The following GRHL2 variants were observed in gnomAD, a reference collection of about 807,000 sequenced individuals.
GRHL2 encodes grainyhead-like protein 2 homolog.
In GRHL2, 21 loss-of-function variants were observed where a neutral mutation model predicts 83.8. The ratio of observed to expected loss-of-function variants is 0.25; its 90% CI spans 0.18 to 0.36. The LOEUF (loss-of-function observed/expected upper bound fraction) is 0.36. Among genes scored for constraint, GRHL2 ranks in the 10% least tolerant of loss-of-function variants. The pLI is 1.00. For synonymous variants in GRHL2, 280 were observed against 278.9 expected, an observed-to-expected ratio of 1.00 and a Z score of -0.04; for missense variants, 623 against 781.8, an observed-to-expected ratio of 0.80 and a Z score of 2.42.
At chr8:101,573,626 T>C (rs372357289) in intron 5 of GRHL2, 42 bp from the exon 6 acceptor site, 135 of 1,612,802 alleles carry the variant, frequency 8.4e-5, no homozygotes, top group Non-Finnish European at 9.9e-5. Flanking sequence ...AGCAGAAATG[T>C]CCAAGTGAGT....
At chr8:101,673,770 C>T (rs1281323271), downstream of GRHL2, among the ~76,000 whole-genome samples, 2 of 152,022 alleles carry the variant, frequency 1.3e-5, no homozygotes, top group African/African-American at 4.8e-5. Flanking sequence ...TTCAGCACCA[C>T]ACCACACCTA....
intron 9 of GRHL2, 35 bp downstream of exon 9, chr8:101,619,732 T>C: frequency 6.6e-7 from 1 of 1,519,064 alleles, no homozygotes; most frequent in Non-Finnish European, 9.1e-7. Context: ...TAAAGGTATC[T>C]TTTTTATTAG....
At chr8:101,652,481 A>G (rs1413095259) in intron 14 of GRHL2, among the ~76,000 whole-genome samples, 66 of 14,006 alleles carry the variant, frequency 4.7e-3, no homozygotes, top group Admixed American at 6.1e-3. Flanking sequence ...TGTGTGTGGT[A>G]TGTGTGTATG....
intron 13 of GRHL2, among the ~76,000 whole-genome samples, 171 bp from the exon 14 acceptor site, chr8:101,649,243 A>G (rs1376361593): frequency 6.6e-6 from 1 of 152,208 alleles, no homozygotes; most frequent in Non-Finnish European, 1.5e-5. Context: ...CAGGTTGTTT[A>G]TGGAGATGTC....
chr8:101,663,541 G>A (rs1813970350), intron 14 of GRHL2, among the ~76,000 whole-genome samples: 1 of 152,032 alleles, frequency 6.6e-6, no homozygotes. Context: ...GAACCTGGGA[G>A]GCAGAGGTTG....
intron 1 of GRHL2, among the ~76,000 whole-genome samples, chr8:101,536,703 G>A (rs888594654): frequency 2.6e-5 from 4 of 152,174 alleles, no homozygotes; most frequent in Admixed American, 2.6e-4. Context: ...GGAGTGCCTG[G>A]TTGAGAACTG....
intron 2 of GRHL2, among the ~76,000 whole-genome samples, chr8:101,544,742 C>A (rs1168715586): frequency 2.0e-5 from 3 of 152,198 alleles, no homozygotes; most frequent in Non-Finnish European, 2.9e-5. Flanking sequence ...GGAAAAACCA[C>A]AGAGTTCAGC....
At chr8:101,548,206 A>G (rs2130138639) in intron 2 of GRHL2, among the ~76,000 whole-genome samples, 1 of 152,286 alleles carries the variant, frequency 6.6e-6, no homozygotes, top group Middle Eastern at 3.4e-3. Flanking sequence ...AAAAATATTC[A>G]CTAAGTAGAT....
chr8:101,671,896 C>T (rs1326011897), downstream of GRHL2, among the ~76,000 whole-genome samples: 2 of 152,126 alleles, frequency 1.3e-5, no homozygotes, highest in Non-Finnish European at 2.9e-5. Context: ...GACTGTTCTA[C>T]AGCCACCGCT....
At chr8:101,528,867 G>A in intron 1 of GRHL2, 1 of 344,982 alleles carries the variant, frequency 2.9e-6, no homozygotes, top group South Asian at 2.6e-5. Context: ...CCAGGTTCAT[G>A]ATAGGTTTGT....
intron 4 of GRHL2, among the ~76,000 whole-genome samples, chr8:101,561,228 T>C (rs752761895): frequency 6.6e-6 from 1 of 152,178 alleles, no homozygotes; most frequent in African/African-American, 2.4e-5. Flanking sequence ...AAATTCTACT[T>C]TCCAAAAACA....
intron 1 of GRHL2, among the ~76,000 whole-genome samples, chr8:101,523,404 C>G (rs1213069496): frequency 6.6e-6 from 1 of 151,940 alleles, no homozygotes. Context: ...AGAAAACACC[C>G]AAAATTATTA....
chr8:101,526,083 T>G (rs1586420526), intron 1 of GRHL2, among the ~76,000 whole-genome samples: 2 of 152,254 alleles, frequency 1.3e-5, no homozygotes, highest in East Asian at 3.8e-4. Context: ...ACTGCTAGAT[T>G]CTCACATCTG....
intron 1 of GRHL2, among the ~76,000 whole-genome samples, chr8:101,512,678 T>C (rs1343223112): frequency 6.6e-6 from 1 of 152,228 alleles, no homozygotes; most frequent in Non-Finnish European, 1.5e-5. Flanking sequence ...TTTCACCATG[T>C]TGGCCAGGCT....
chr8:101,666,261 T>C (rs1217658120), intron 15 of GRHL2, among the ~76,000 whole-genome samples: 1 of 152,188 alleles, frequency 6.6e-6, no homozygotes, highest in African/African-American at 2.4e-5. Flanking sequence ...AGAGAGAGCC[T>C]AATGATTTAG....
At chr8:101,542,288 T>C (rs1811169381) in intron 1 of GRHL2, among the ~76,000 whole-genome samples, 2 of 152,156 alleles carry the variant, frequency 1.3e-5, no homozygotes, top group African/African-American at 4.8e-5. Context: ...TAATAAAGAA[T>C]AATTAGGCCA....
chr8:101,494,513 C>G (rs1325020714), intron 1 of GRHL2, among the ~76,000 whole-genome samples: 1 of 152,102 alleles, frequency 6.6e-6, no homozygotes, highest in Non-Finnish European at 1.5e-5. Flanking sequence ...CCCCATATCT[C>G]TCTAGTCTTC....
At chr8:101,677,482 A>G in the GRHL2 span, among the ~76,000 whole-genome samples, 3 of 150,984 alleles carry the variant, frequency 2.0e-5, no homozygotes, top group African/African-American at 7.3e-5. Context: ...GGCTGCCACT[A>G]AACACTGAAC....
chr8:101,627,789 C>T (rs2130389092), intron 9 of GRHL2, among the ~76,000 whole-genome samples: 1 of 152,208 alleles, frequency 6.6e-6, no homozygotes, highest in East Asian at 1.9e-4. Flanking sequence ...GAAAGTGAAA[C>T]TGCCCTACTG....
Sources: gnomAD v4.1 joint callset for allele counts (sites outside exome capture counted in the v4.1 genomes callset) on GRCh38, gnomAD v4.1.1 for gene constraint, MANE v1.5 for transcripts, NCBI Gene and HGNC (gene_info 2026-07-23, HGNC 2026-07-21) for gene names.